NRP1: variants seen among roughly 807,000 people sequenced by gnomAD.
NRP1 encodes the protein neuropilin-1.
Under a neutral mutation model 106.7 loss-of-function variants are expected in NRP1, and 35 were observed. The ratio of observed to expected loss-of-function variants is 0.33; its 90% CI spans 0.25 to 0.43. The LOEUF (loss-of-function observed/expected upper bound fraction) is 0.43, where lower values mean the gene tolerates loss of function less well. NRP1 is among the 20% of genes least tolerant of loss of function. The pLI is 1.00. For missense variants in NRP1, 1,024 were observed against 1,170.4 expected (o/e 0.87, Z 1.83); for synonymous variants, 437 against 417.9 (o/e 1.05, Z -0.56).
intron 3 of NRP1, among the ~76,000 whole-genome samples, chr10:33,266,679 A>G (rs1202969144): frequency 6.6e-6 from 1 of 152,164 alleles, no homozygotes; most frequent in Non-Finnish European, 1.5e-5. Context: ...CTCATGTCGA[A>G]TTGTAATCCC....
chr10:33,311,355 G>A (rs973085571), intron 2 of NRP1, among the ~76,000 whole-genome samples: 1 of 152,178 alleles, frequency 6.6e-6, no homozygotes, highest in Non-Finnish European at 1.5e-5. Context: ...TAGGTCCCAG[G>A]TGGGCCTGCC....
intron 2 of NRP1, among the ~76,000 whole-genome samples, chr10:33,274,705 C>G (rs558229748): frequency 6.6e-6 from 1 of 152,254 alleles, no homozygotes; most frequent in South Asian, 2.1e-4. Flanking sequence ...CACCAACCCC[C>G]CAGGCTTCCG....
At chr10:33,268,143 T>C (rs1027439664) in intron 3 of NRP1, among the ~76,000 whole-genome samples, 4 of 152,036 alleles carry the variant, frequency 2.6e-5, no homozygotes, top group Admixed American at 2.0e-4. Flanking sequence ...CCTGTGCTTT[T>C]GTGTGTGTGT....
At chr10:33,272,635 C>A (rs139908236) in intron 2 of NRP1, among the ~76,000 whole-genome samples, 2 of 152,246 alleles carry the variant, frequency 1.3e-5, no homozygotes, top group African/African-American at 4.8e-5. Flanking sequence ...TCTCTGTATT[C>A]ATTAAAGCCC....
chr10:33,239,435 T>G (rs1840838761), intron 6 of NRP1, among the ~76,000 whole-genome samples: 1 of 152,242 alleles, frequency 6.6e-6, no homozygotes, highest in African/African-American at 2.4e-5. Flanking sequence ...CTGAAACTCC[T>G]TTCCTCCAAA....
chr10:33,316,040 T>C (rs1449571421), intron 2 of NRP1, among the ~76,000 whole-genome samples: 2 of 152,186 alleles, frequency 1.3e-5, no homozygotes, highest in African/African-American at 2.4e-5. Context: ...CCCTACTTAT[T>C]CTAGTTAAAA....
chr10:33,271,781 C>A (rs1843326500), intron 2 of NRP1, among the ~76,000 whole-genome samples: 1 of 152,084 alleles, frequency 6.6e-6, no homozygotes, highest in African/African-American at 2.4e-5. Flanking sequence ...CACTAGTGTC[C>A]CCTAGGAAAA....
chr10:33,248,643 G>A (rs1841605076), intron 6 of NRP1, among the ~76,000 whole-genome samples: 1 of 152,210 alleles, frequency 6.6e-6, no homozygotes, highest in Non-Finnish European at 1.5e-5. Context: ...CAGCAGGTTG[G>A]CTCCAGTCCT....
intron 1 of NRP1, among the ~76,000 whole-genome samples, chr10:33,333,377 T>G (rs1848420234): frequency 1.3e-5 from 2 of 152,188 alleles, no homozygotes; most frequent in South Asian, 4.1e-4. Flanking sequence ...TGATTTAAAT[T>G]CCTGTTGGTA....
chr10:33,207,575 C>T lies in NRP1; in HGVS notation c.1756G>A (p.Glu586Lys). 6.2e-7 allele frequency: 1 copy of T among 1,614,086 alleles called. No homozygotes were observed. Among genetic ancestry groups the T allele is most frequent in the Non-Finnish European group, 8.5e-7 (1 of 1,179,992 alleles). The change falls in exon 10 of 17, where the codon GAA becomes AAA. Residue 586 changes from glutamate to lysine, a missense_variant. By Grantham distance (56) the Glu-to-Lys change is moderately conservative. Transcript: ENST00000374867. ...LRMELLGCEV[E>K]APTAGPTTPN... ...TAACTCTGGAGATCATAATTACCTT[C>T]CACTTCACAGCCCAGCAGCTCCATT...
chr10:33,182,766 A>T lies in NRP1; in HGVS notation c.2432-18T>A. 6.2e-7 allele frequency: 1 copy of T among 1,602,736 alleles called. No individual in the cohort carries two copies. On this transcript the variant is annotated intron_variant, in intron 15 of 16. Transcript: ENST00000374867. ...TGCTGGTTCTGACAAGTCAAACAAAATTGAAAGAGATATTTGAACTGCCAT... is the reference window on the plus strand; with the variant it reads ...TGCTGGTTCTGACAAGTCAAACAAATTTGAAAGAGATATTTGAACTGCCAT...
At position 33,334,632 on chromosome 10, in the gene NRP1, G is replaced by T; in HGVS notation, c.-250C>A. 1 of 144,462 alleles carries T rather than the reference G, an allele frequency of 6.9e-6. No homozygotes were observed. The highest frequency in any genetic ancestry group is 1.3e-5 in the Non-Finnish European group (1 of 78,424). 8.9% of individuals were successfully genotyped at this position (144,462 alleles called of 1,614,324 possible). A position where few individuals can be genotyped will look rare whatever the true frequency, so the allele number is the denominator to read the frequency against. On this transcript the variant is annotated 5_prime_UTR_variant, in exon 1 of 17. Transcript: ENST00000374867. ...GCTTCCTCTCCCTTTTCCCACACTT[G>T]TTCCTCTTCCAGGAGCCACTGCCCG...
chr10:33,308,507 GA>G, intron 2 of NRP1, among the ~76,000 whole-genome samples: 1 of 151,102 alleles, frequency 6.6e-6, no homozygotes. Flanking sequence ...TTTTTTTTGA[GA>G]TGGAGTCTCA....
chr10:33,326,640 A>G (rs149193915), intron 2 of NRP1, among the ~76,000 whole-genome samples: 460 of 152,288 alleles, frequency 3.0e-3, no homozygotes, highest in African/African-American at 9.6e-3. Flanking sequence ...TGTTCAATAA[A>G]AGAATTAAGG....
chr10:33,298,463 A>G (rs1845569898), intron 2 of NRP1, among the ~76,000 whole-genome samples: 1 of 152,178 alleles, frequency 6.6e-6, no homozygotes, highest in African/African-American at 2.4e-5. Context: ...AACCATATAG[A>G]GTGCCTGAAT....
In NRP1 at chr10:33,254,066, A is replaced by G; in HGVS notation, c.943T>C (p.Trp315Arg). The G allele has an allele frequency of 6.2e-7, 1 of 1,613,510 alleles. No individual in the cohort carries two copies. Among genetic ancestry groups the G allele is most frequent in the Non-Finnish European group, 8.5e-7 (1 of 1,179,886 alleles). The change falls in exon 6 of 17, where the codon TGG (tryptophan) becomes CGG (arginine). Residue 315 changes from tryptophan to arginine, a missense_variant. Trp to Arg is a moderately radical substitution (Grantham distance 101). Around this residue, in one of 5 missense-constraint regions of NRP1, gnomAD observed 562 missense variants for 620.3 expected, o/e 0.91. Transcript: ENST00000374867. ...RSRLNYPENG[W>R]TPGEDSYREW... ...CGGTAGGAATCCTCTCCGGGAGTCCACCCATTCTCAGGGTAGTTCAGGCGG... is the reference window on the plus strand; with the variant it reads ...CGGTAGGAATCCTCTCCGGGAGTCCGCCCATTCTCAGGGTAGTTCAGGCGG...
intron 2 of NRP1, among the ~76,000 whole-genome samples, chr10:33,318,806 T>C (rs1258238948): frequency 7.1e-6 from 1 of 141,470 alleles, no homozygotes; most frequent in Non-Finnish European, 1.5e-5. Context: ...GCCAACCTAA[T>C]AGCATTGAGG....
chr10:33,311,005 G>A (rs1846570844), intron 2 of NRP1, among the ~76,000 whole-genome samples: 1 of 152,092 alleles, frequency 6.6e-6, no homozygotes, highest in Non-Finnish European at 1.5e-5. Context: ...GAAGAGATAA[G>A]GCCTGTCATT....
intron 3 of NRP1, among the ~76,000 whole-genome samples, chr10:33,269,425 C>G (rs1489208735): frequency 2.6e-5 from 4 of 152,208 alleles, no homozygotes; most frequent in Non-Finnish European, 1.5e-5. Flanking sequence ...TCCTAAGTAG[C>G]TGGAACTGAT....
Sources: gnomAD v4.1 joint callset for allele counts (sites outside exome capture counted in the v4.1 genomes callset) on GRCh38, gnomAD v4.1.1 for gene constraint, gnomAD v4.1.1 regional missense constraint, MANE v1.5 for transcripts, NCBI Gene and HGNC (gene_info 2026-07-23, HGNC 2026-07-21) for gene names.